Variants in MYO5C observed in about 807,000 individuals in gnomAD.
MYO5C encodes myosin VC, also known as unconventional myosin-Vc.
MYO5C carries 194 observed loss-of-function variants against 235.7 expected under a neutral mutation model. That is an observed-to-expected ratio of 0.82 (90% CI 0.73 to 0.93). The LOEUF (loss-of-function observed/expected upper bound fraction) is 0.93, where lower values mean the gene tolerates loss of function less well. MYO5C is among the 40% of genes least tolerant of loss of function. MYO5C has a pLI of 0.00. For synonymous variants in MYO5C, 707 were observed against 754.8 expected, an observed-to-expected ratio of 0.94 and a Z score of 1.04; for missense variants, 2,038 against 2,127.2, an observed-to-expected ratio of 0.96 and a Z score of 0.82.
At chr15:52,258,026 G>A (rs1457856154) in intron 10 of MYO5C, among the ~76,000 whole-genome samples, 36 of 152,216 alleles carry the variant, frequency 2.4e-4, no homozygotes, top group Admixed American at 2.4e-3. Flanking sequence ...AGCAAGGCCA[G>A]GGCTGGGCCT....
At chr15:52,288,603 C>G (rs1380857152) in intron 1 of MYO5C, among the ~76,000 whole-genome samples, 1 of 152,222 alleles carries the variant, frequency 6.6e-6, no homozygotes, top group African/African-American at 2.4e-5. Context: ...CCTCACATTC[C>G]TCTACCCACA....
intron 3 of MYO5C, among the ~76,000 whole-genome samples, 187 bp downstream of exon 3, chr15:52,279,322 G>A (rs1035753952): frequency 6.6e-6 from 1 of 152,040 alleles, no homozygotes; most frequent in Non-Finnish European, 1.5e-5. Context: ...ACTCAAACAC[G>A]AGCTTTGTTA....
intron 12 of MYO5C, 30 bp from the exon 13 acceptor site, chr15:52,251,545 G>A (rs377571685): frequency 3.2e-6 from 5 of 1,569,540 alleles, no homozygotes; most frequent in Non-Finnish European, 4.3e-6. Flanking sequence ...CAAATAGCAA[G>A]TAAGAAAACC....
intron 2 of MYO5C, among the ~76,000 whole-genome samples, chr15:52,282,292 C>A (rs994669739): frequency 6.6e-6 from 1 of 152,162 alleles, no homozygotes; most frequent in Non-Finnish European, 1.5e-5. Flanking sequence ...TCCCTCCAGT[C>A]TCCTCCCACT....
In MYO5C at chr15:52,280,407, C is replaced by G. The variant is rs890556007; in HGVS notation, c.139-733G>C. On this transcript the variant is annotated intron_variant, in intron 2 of 40. Transcript: ENST00000261839. ...AGTATTCCTAAAGCAGCTGCCTTAGCAGAACGAAGGTGAGGCGAGCATGCC... is the reference window on the plus strand; with the variant it reads ...AGTATTCCTAAAGCAGCTGCCTTAGGAGAACGAAGGTGAGGCGAGCATGCC... Among the ~76,000 whole-genome samples the G allele has an allele frequency of 4.6e-5, 7 of 152,256 alleles. No homozygotes were observed. In the East Asian group the frequency reaches 1.3e-3, roughly 29 times the overall value.
chr15:52,247,063 C>T, intron 15 of MYO5C, 49 bp from the exon 16 acceptor site: 16 of 1,517,144 alleles, frequency 1.1e-5, no homozygotes, highest in Non-Finnish European at 1.4e-5. Flanking sequence ...TAATTTACTG[C>T]TTACATCACG....
chr15:52,237,358 G>A lies in MYO5C; in HGVS notation c.2868+124C>T. Reference sequence around the variant, plus strand: ...TAAAAGGTAGGCTCCCTTTGGTAATGGAAGTTGATAGCAAAATCTGATTTG... The same window carrying A: ...TAAAAGGTAGGCTCCCTTTGGTAATAGAAGTTGATAGCAAAATCTGATTTG... On this transcript the variant is annotated intron_variant, in intron 22 of 40. Transcript: ENST00000261839. 11 of 1,214,460 alleles carry A rather than the reference G, an allele frequency of 9.1e-6. 1 individual carries two copies. Among genetic ancestry groups the A allele is most frequent in the Non-Finnish European group, 1.3e-5 (11 of 876,192 alleles). The allele number at this position is 1,214,460 out of a possible 1,614,324, so 75.2% of individuals were successfully genotyped here.
At chr15:52,214,096 A>C (rs2035505078) in intron 33 of MYO5C, among the ~76,000 whole-genome samples, 1 of 152,216 alleles carries the variant, frequency 6.6e-6, no homozygotes, top group Non-Finnish European at 1.5e-5. Context: ...CAGGAGCTGA[A>C]CACAGAAAAG....
chr15:52,202,233 C>T (rs1344605487), intron 38 of MYO5C, among the ~76,000 whole-genome samples: 1 of 151,974 alleles, frequency 6.6e-6, no homozygotes, highest in Non-Finnish European at 1.5e-5. Context: ...AAAAATTAGC[C>T]GGGCATGGTG....
chr15:52,250,030 A>G (rs1002006022), intron 13 of MYO5C, among the ~76,000 whole-genome samples: 3 of 152,178 alleles, frequency 2.0e-5, no homozygotes, highest in African/African-American at 7.2e-5. Flanking sequence ...ACTACATCCT[A>G]TAAAGAGAGA....
intron 10 of MYO5C, among the ~76,000 whole-genome samples, chr15:52,260,658 C>A (rs1264460825): frequency 6.6e-6 from 1 of 152,208 alleles, no homozygotes; most frequent in Admixed American, 6.5e-5. Flanking sequence ...ATTGGTCATT[C>A]CTAATTCAGC....
In MYO5C at chr15:52,211,802, GTC is replaced by G; in HGVS notation, c.4222_4223del (p.Asp1408LeufsTer4). On this transcript the variant is annotated frameshift_variant, in exon 35 of 41. Transcript: ENST00000261839. LOFTEE classifies it high-confidence loss of function. ...TCAGCATGTTGGCATCATTCAGAGA[GTC>G]TGCGTAGCGCACACACATGAACAGG... ...HILFMCVRYA[D>X]SLNDANMLKS... 3 of 1,614,224 alleles carry G rather than the reference GTC, an allele frequency of 1.9e-6. No individual in the cohort carries two copies. The highest frequency in any genetic ancestry group is 2.5e-6 in the Non-Finnish European group (3 of 1,180,040).
intron 6 of MYO5C, among the ~76,000 whole-genome samples, chr15:52,272,228 C>T (rs1375201105): frequency 6.6e-6 from 1 of 152,208 alleles, no homozygotes; most frequent in African/African-American, 2.4e-5. Flanking sequence ...CCCTCAATAG[C>T]TCTGATCCCA....
intron 34 of MYO5C, among the ~76,000 whole-genome samples, chr15:52,212,916 C>T (rs749732625): frequency 2.0e-5 from 3 of 152,160 alleles, no homozygotes; most frequent in Non-Finnish European, 4.4e-5. Flanking sequence ...ACAGGACATT[C>T]GGCAATACCT....
intron 38 of MYO5C, 63 bp downstream of exon 38, chr15:52,204,802 T>C: frequency 6.4e-7 from 1 of 1,565,150 alleles, no homozygotes; most frequent in Non-Finnish European, 8.6e-7. Flanking sequence ...GCGTGGGGCC[T>C]CGGACTTCAA....
intron 29 of MYO5C, among the ~76,000 whole-genome samples, chr15:52,222,472 G>A (rs990919427): frequency 6.6e-6 from 1 of 152,164 alleles, no homozygotes; most frequent in Non-Finnish European, 1.5e-5. Flanking sequence ...GGAGAGCGGG[G>A]CGTCCTGGAA....
At chr15:52,202,139 C>T (rs7177057) in intron 38 of MYO5C, among the ~76,000 whole-genome samples, 8,206 of 152,074 alleles carry the variant, frequency 0.054, 267 homozygotes, top group African/African-American at 0.088. Context: ...AGTGAGACTC[C>T]GTTTCTACAA....
At chr15:52,245,552 T>G in intron 17 of MYO5C, 87 bp from the exon 18 acceptor site, 1 of 919,960 alleles carries the variant, frequency 1.1e-6, no homozygotes, top group Non-Finnish European at 1.8e-6. Flanking sequence ...GCCACTGTTG[T>G]CATAGGGCGG....
At position 52,213,171 on chromosome 15, in the gene MYO5C, G is replaced by C; in HGVS notation, c.4141+17C>G. 6.2e-7 allele frequency: 1 copy of C among 1,602,488 alleles called. No homozygotes were observed. The highest frequency in any genetic ancestry group is 1.1e-5 in the South Asian group (1 of 90,814). On this transcript the variant is annotated intron_variant, in intron 34 of 40. Coordinates refer to ENST00000261839, the MANE Select transcript of MYO5C (RefSeq NM_018728.4). ...CTCAAAGAGAAAGCAAAAATCCAGA[G>C]TTCCAGGTTTCACTACCAAGAATGA...
Sources: allele counts gnomAD v4.1 joint callset (sites outside exome capture counted in the v4.1 genomes callset), GRCh38; gene constraint gnomAD v4.1.1; transcripts MANE v1.5; gene names NCBI Gene and HGNC (gene_info 2026-07-23, HGNC 2026-07-21).